The following FRMD4B variants were observed in gnomAD, a reference collection of about 807,000 sequenced individuals.
FRMD4B encodes FERM domain containing 4B.
Under a neutral mutation model 141.5 loss-of-function variants are expected in FRMD4B, and 74 were observed. The ratio of observed to expected loss-of-function variants is 0.52; its 90% CI spans 0.43 to 0.63. FRMD4B has a LOEUF of 0.63. Among genes scored for constraint, FRMD4B ranks in the 30% least tolerant of loss-of-function variants. The pLI, the probability that FRMD4B is intolerant of heterozygous loss-of-function variation, is 0.00. For synonymous variants in FRMD4B, 506 were observed against 467.9 expected (o/e 1.08, Z -1.05); for missense variants, 1,366 against 1,253.4 (o/e 1.09, Z -1.36).
chr3:69,238,107 A>C lies in FRMD4B; in HGVS notation c.581+11119T>G, dbSNP rs1559742733. 3.3e-5 allele frequency among the ~76,000 whole-genome samples: 5 copies of C among 152,164 alleles called. No individual in the cohort carries two copies. In the South Asian group the frequency reaches 8.3e-4, roughly 25 times the overall value. On this transcript the variant is annotated intron_variant, in intron 7 of 22. Transcript: ENST00000398540. ...TGCCTAGGATGCATTTTACTTACAC[A>C]AACTCATTTAGTCTTCATGGCACCC...
At chr3:69,445,919 G>A (rs73111224) in intron 1 of FRMD4B, among the ~76,000 whole-genome samples, 1 of 152,040 alleles carries the variant, frequency 6.6e-6, no homozygotes, top group Admixed American at 6.5e-5. Flanking sequence ...CCTCCAAGAG[G>A]AGGGAGATAT....
rs531663930 is a variant in FRMD4B, at chr3:69,216,652, G to C, written c.790-303C>G. Among the ~76,000 whole-genome samples, 201 of 151,894 alleles carry C rather than the reference G, an allele frequency of 1.3e-3. 1 individual carries two copies. The highest frequency in any genetic ancestry group is 1.4e-3 in the Admixed American group (22 of 15,230). ...TCACTATGTTGGCTAGGATGGTCTT[G>C]ATCTCCTGACCTCATGATCCACCCA... On this transcript the variant is annotated intron_variant, in intron 10 of 22. Transcript: ENST00000398540.
At chr3:69,494,958 G>GGAGGGGAAGGAAAGGAAGGA (rs1173834461) in intron 1 of FRMD4B, among the ~76,000 whole-genome samples, 20 of 151,124 alleles carry the variant, frequency 1.3e-4, no homozygotes, top group East Asian at 9.7e-4. Flanking sequence ...AGAGGGGAGT[G>GGAGGGGAAGGAAAGGAAGGA]GAGGGGAAGG....
chr3:69,441,364 G>A (rs1705338598), intron 1 of FRMD4B, among the ~76,000 whole-genome samples: 1 of 152,060 alleles, frequency 6.6e-6, no homozygotes, highest in South Asian at 2.1e-4. Flanking sequence ...TGTCCTTGAG[G>A]CTGTGTTTTT....
At chr3:69,521,516 C>T (rs62252354) in intron 1 of FRMD4B, among the ~76,000 whole-genome samples, 23,231 of 152,180 alleles carry the variant, frequency 0.15, 1,864 homozygotes, top group South Asian at 0.24. Context: ...TCCCATGTGA[C>T]TTTTATTTTA....
chr3:69,351,761 C>A (rs528130311), intron 1 of FRMD4B, among the ~76,000 whole-genome samples: 2 of 152,176 alleles, frequency 1.3e-5, no homozygotes, highest in African/African-American at 4.8e-5. Flanking sequence ...CTGCCCCTAA[C>A]GGGATAGGAA....
chr3:69,182,640 G>A lies in FRMD4B; in HGVS notation c.1997C>T (p.Thr666Met), dbSNP rs201890981. Residue 666 changes from threonine (T) to methionine (M), a missense_variant, in exon 20 of 23, where the codon ACG becomes ATG. By Grantham distance (81) the Thr-to-Met change is moderately conservative (BLOSUM62 -1). Coordinates refer to ENST00000398540, the MANE Select transcript of FRMD4B (RefSeq NM_015123.3). ...RPQGGRSMPT[T>M]PVLTRNAYSS... is the part of the protein sequence containing the mutation. ...GTAGGCGTTTCGGGTAAGAACTGGCGTGGTGGGCATGCTTCGTCCTCCCTG... is the reference window on the plus strand; with the variant it reads ...GTAGGCGTTTCGGGTAAGAACTGGCATGGTGGGCATGCTTCGTCCTCCCTG... The A allele has an allele frequency of 2.1e-5, 34 of 1,613,820 alleles. 1 individual carries two copies. The highest frequency in any genetic ancestry group is 1.6e-4 in the Middle Eastern group (1 of 6,062).
At chr3:69,361,060 G>A (rs183449934) in intron 1 of FRMD4B, among the ~76,000 whole-genome samples, 1 of 152,216 alleles carries the variant, frequency 6.6e-6, no homozygotes, top group Admixed American at 6.5e-5. Context: ...CCAAAATAAC[G>A]AGTTGGGTAC....
At chr3:69,266,337 G>C (rs2093561917) in intron 5 of FRMD4B, among the ~76,000 whole-genome samples, 1 of 152,100 alleles carries the variant, frequency 6.6e-6, no homozygotes, top group Non-Finnish European at 1.5e-5. Flanking sequence ...GATTTTTTGT[G>C]TGTGCGTGTG....
intron 1 of FRMD4B, among the ~76,000 whole-genome samples, chr3:69,508,246 T>G (rs1575595260): frequency 6.6e-6 from 1 of 152,342 alleles, no homozygotes; most frequent in African/African-American, 2.4e-5. Context: ...ATAAAAACTT[T>G]TATTTTATTA....
At chr3:69,507,786 T>C (rs935464918) in intron 1 of FRMD4B, among the ~76,000 whole-genome samples, 1 of 152,164 alleles carries the variant, frequency 6.6e-6, no homozygotes, top group African/African-American at 2.4e-5. Flanking sequence ...GAGAAGAATT[T>C]AGAGTTTACA....
chr3:69,252,132 T>C (rs925544229), intron 5 of FRMD4B, among the ~76,000 whole-genome samples: 2 of 152,186 alleles, frequency 1.3e-5, no homozygotes, highest in East Asian at 3.8e-4. Flanking sequence ...CTGAAAAATA[T>C]TTCAGACACC....
chr3:69,214,388 C>T (rs2093118217), intron 11 of FRMD4B, among the ~76,000 whole-genome samples: 1 of 152,132 alleles, frequency 6.6e-6, no homozygotes, highest in Non-Finnish European at 1.5e-5. Context: ...TACTCCTGTG[C>T]TTTCAGTGAT....
intron 9 of FRMD4B, 94 bp downstream of exon 9, chr3:69,221,764 T>C (rs2093197193): frequency 4.1e-6 from 3 of 734,682 alleles, no homozygotes; most frequent in South Asian, 3.0e-5. Flanking sequence ...ATAAGGACTA[T>C]GTTCACAAAA....
Position 69,267,671 on chromosome 3 carries a change from AGAGAGAGAGAGAGAGAGAGT to A in FRMD4B, c.502-17592_502-17573del, listed in dbSNP as rs541133562. Among the ~76,000 whole-genome samples the A allele has an allele frequency of 7.8e-3, 872 of 111,674 alleles. 9 individuals are homozygous for A. The highest frequency in any genetic ancestry group is 0.025 in the East Asian group (90 of 3,586). The allele number at this position is 111,674 out of a possible 152,430, so 73.3% of individuals were successfully genotyped here. A position where few individuals can be genotyped will look rare whatever the true frequency, so the allele number is the denominator to read the frequency against. ...GAGAGAGAGAGAGAGAGAGAGAGAG[AGAGAGAGAGAGAGAGAGAGT>A]GTCTGTCTGTCCCCCCAGTCTATCT... is the stretch of plus-strand genomic sequence containing the variant. On this transcript the variant is annotated intron_variant, in intron 5 of 22. Coordinates refer to ENST00000398540, the MANE Select transcript of FRMD4B (RefSeq NM_015123.3).
At chr3:69,254,156 G>A (rs1286069401) in intron 5 of FRMD4B, among the ~76,000 whole-genome samples, 1 of 151,992 alleles carries the variant, frequency 6.6e-6, no homozygotes, top group African/African-American at 2.4e-5. Flanking sequence ...CCAGGCTGGA[G>A]TGCAGTGGTA....
At chr3:69,522,685 T>C (rs2107134349) in intron 1 of FRMD4B, among the ~76,000 whole-genome samples, 3 of 152,326 alleles carry the variant, frequency 2.0e-5, no homozygotes, top group Middle Eastern at 6.8e-3. Flanking sequence ...CTTCTGCTGT[T>C]GGAAGGATGT....
chr3:69,435,225 C>T (rs910187511), intron 1 of FRMD4B, among the ~76,000 whole-genome samples: 6 of 152,102 alleles, frequency 3.9e-5, no homozygotes, highest in Non-Finnish European at 8.8e-5. Context: ...GTTCTGGTAC[C>T]GCAGAGATGA....
At chr3:69,276,357 GA>G (rs1023800471) in intron 5 of FRMD4B, among the ~76,000 whole-genome samples, 33 of 152,060 alleles carry the variant, frequency 2.2e-4, no homozygotes, top group African/African-American at 7.0e-4. Flanking sequence ...GCTGCAGCCT[GA>G]AATTCCTGGG....
Sources: allele counts gnomAD v4.1 joint callset (sites outside exome capture counted in the v4.1 genomes callset), GRCh38; gene constraint gnomAD v4.1.1; transcripts MANE v1.5; gene names NCBI Gene and HGNC (gene_info 2026-07-23, HGNC 2026-07-21).